Variants in SOCS5 observed in about 807,000 individuals in gnomAD.
The protein encoded by SOCS5 is suppressor of cytokine signaling 5.
A neutral mutation model predicts 42.8 loss-of-function variants in SOCS5; 32 were observed. That is an observed-to-expected ratio of 0.75 (90% CI 0.56 to 1.01). The LOEUF is 1.01. SOCS5 is among the 50% of genes least tolerant of loss of function. The pLI, the probability that SOCS5 is intolerant of heterozygous loss-of-function variation, is 0.00. For missense variants in SOCS5, 627 were observed against 653.0 expected (o/e 0.96, Z 0.43); for synonymous variants, 283 against 229.6 (o/e 1.23, Z -2.10).
At chr2:46,740,359 A>G (rs1471102367) in intron 1 of SOCS5, among the ~76,000 whole-genome samples, 3 of 152,216 alleles carry the variant, frequency 2.0e-5, no homozygotes, top group African/African-American at 4.8e-5. Flanking sequence ...ACAATTGGCT[A>G]TATTTGGTTA....
intron 1 of SOCS5, among the ~76,000 whole-genome samples, chr2:46,750,353 T>TA (rs1158650717): frequency 2.0e-5 from 3 of 152,142 alleles, no homozygotes; most frequent in Non-Finnish European, 4.4e-5. Context: ...ATTAAATACT[T>TA]ACTTTTTTTT....
chr2:46,724,098 C>G (rs1049670178), intron 1 of SOCS5, among the ~76,000 whole-genome samples: 1 of 151,852 alleles, frequency 6.6e-6, no homozygotes, highest in Non-Finnish European at 1.5e-5. Flanking sequence ...TGTGTGTTGA[C>G]CTGTATCCTG....
chr2:46,713,094 G>A (rs953774099), intron 1 of SOCS5, among the ~76,000 whole-genome samples: 2 of 152,228 alleles, frequency 1.3e-5, no homozygotes, highest in Non-Finnish European at 2.9e-5. Flanking sequence ...GGTGGCTCAT[G>A]CCTGTAATCC....
At chr2:46,708,399 G>C (rs181172668) in intron 1 of SOCS5, among the ~76,000 whole-genome samples, 16 of 152,292 alleles carry the variant, frequency 1.1e-4, no homozygotes, top group Admixed American at 1.0e-3. Flanking sequence ...TGCTTTTTAG[G>C]TAAGTAATGA....
In SOCS5 at chr2:46,758,923, G is replaced by C; in HGVS notation, c.393G>C (p.Lys131Asn). 1.2e-6 allele frequency: 2 copies of C among 1,614,004 alleles called. No homozygotes were observed. The highest frequency in any genetic ancestry group is 1.7e-6 in the Non-Finnish European group (2 of 1,179,884). The change falls in exon 2 of 2, where the codon AAG becomes AAC. Residue 131 changes from lysine (K) to asparagine (N), a missense_variant. Lys to Asn is a moderately conservative substitution (Grantham distance 94, BLOSUM62 0). Coordinates refer to ENST00000394861, the MANE Select transcript of SOCS5 (RefSeq NM_144949.3). ...GGKKKHSCSTKTQSSLDADKK... is the reference protein window; with the variant it reads ...GGKKKHSCSTNTQSSLDADKK... ...AGAAAAAACATTCCTGTTCTACAAAGACCCAGAGTTCATTGGATGCTGATA... is the reference window on the plus strand; with the variant it reads ...AGAAAAAACATTCCTGTTCTACAAACACCCAGAGTTCATTGGATGCTGATA...
At chr2:46,740,663 T>C (rs1329833579) in intron 1 of SOCS5, among the ~76,000 whole-genome samples, 1 of 152,044 alleles carries the variant, frequency 6.6e-6, no homozygotes, top group Non-Finnish European at 1.5e-5. Flanking sequence ...GTAAATCACA[T>C]ATCTAAAGCT....
chr2:46,745,045 G>A (rs6716072), intron 1 of SOCS5, among the ~76,000 whole-genome samples: 7,253 of 151,714 alleles, frequency 0.048, 637 homozygotes, highest in African/African-American at 0.17. Context: ...CAATAACAAA[G>A]GATTTTTACC....
intron 1 of SOCS5, among the ~76,000 whole-genome samples, chr2:46,718,434 TACAG>T (rs1409099652): frequency 6.6e-6 from 1 of 152,156 alleles, no homozygotes; most frequent in Non-Finnish European, 1.5e-5. Context: ...TTTCAAGTGA[TACAG>T]AGAGTTACAG....
chr2:46,715,073 A>C (rs1458461925), intron 1 of SOCS5, among the ~76,000 whole-genome samples: 1 of 152,088 alleles, frequency 6.6e-6, no homozygotes, highest in Non-Finnish European at 1.5e-5. Context: ...TTTGTCAGGC[A>C]GTTACCTTTT....
chr2:46,729,480 G>A (rs149106414), intron 1 of SOCS5, among the ~76,000 whole-genome samples: 40 of 152,266 alleles, frequency 2.6e-4, no homozygotes, highest in East Asian at 9.6e-4. Context: ...CCTGTTGCTC[G>A]TAGGCTACAA....
intron 1 of SOCS5, among the ~76,000 whole-genome samples, chr2:46,739,661 A>G (rs1302439714): frequency 1.3e-5 from 2 of 152,106 alleles, no homozygotes; most frequent in Admixed American, 6.6e-5. Flanking sequence ...CGCATCCCCC[A>G]GAAGTAACCA....
In SOCS5 at chr2:46,761,951, C is replaced by T. The variant is rs918495654; in HGVS notation, c.*1810C>T. 2 of 166,958 alleles carry T rather than the reference C, an allele frequency of 1.2e-5. No individual in the cohort carries two copies. Among genetic ancestry groups the T allele is most frequent in the African/African-American group, 4.8e-5 (2 of 41,438 alleles). The allele number at this position is 166,958 out of a possible 1,614,324, so 10.3% of individuals were successfully genotyped here. On this transcript the variant is annotated 3_prime_UTR_variant, in exon 2 of 2. Coordinates refer to ENST00000394861, the MANE Select transcript of SOCS5 (RefSeq NM_144949.3). ...ATGACATATTATAGTAAATGAGTAT[C>T]TGTAACCTCCCACTGCATCAGAAGC...
intron 1 of SOCS5, among the ~76,000 whole-genome samples, chr2:46,731,258 C>G (rs1337088119): frequency 6.6e-6 from 1 of 152,096 alleles, no homozygotes; most frequent in Admixed American, 6.6e-5. Flanking sequence ...GGATTCGTGC[C>G]TTTGTACGGA....
intron 1 of SOCS5, among the ~76,000 whole-genome samples, chr2:46,715,918 T>C (rs796724128): frequency 2.0e-5 from 3 of 152,296 alleles, no homozygotes; most frequent in Admixed American, 6.5e-5. Context: ...ATCCCACATA[T>C]GTTCAACCAC....
intron 1 of SOCS5, among the ~76,000 whole-genome samples, chr2:46,738,068 T>G (rs894517576): frequency 2.6e-5 from 4 of 152,138 alleles, no homozygotes; most frequent in African/African-American, 9.7e-5. Context: ...TTGAACTTGA[T>G]GTAGATGTTA....
At chr2:46,749,325 C>T (rs570075861) in intron 1 of SOCS5, among the ~76,000 whole-genome samples, 16 of 152,152 alleles carry the variant, frequency 1.1e-4, no homozygotes, top group Admixed American at 8.5e-4. Flanking sequence ...TGATTTTTGT[C>T]GCCCTATTAT....
chr2:46,730,745 A>G (rs952141162), intron 1 of SOCS5, among the ~76,000 whole-genome samples: 3 of 152,270 alleles, frequency 2.0e-5, no homozygotes, highest in Non-Finnish European at 4.4e-5. Context: ...GAAAAAATCT[A>G]TCAATCACAT....
At chr2:46,743,113 T>C (rs115413975) in intron 1 of SOCS5, among the ~76,000 whole-genome samples, 1 of 152,296 alleles carries the variant, frequency 6.6e-6, no homozygotes, top group African/African-American at 2.4e-5. Context: ...TAACTTTTTA[T>C]GAGTTTTTCA....
Position 46,732,623 on chromosome 2 carries a change from C to G in SOCS5, c.-12-25896C>G, listed in dbSNP as rs189115715. 1.3e-4 allele frequency among the ~76,000 whole-genome samples: 20 copies of G among 152,308 alleles called. No individual in the cohort carries two copies. In the East Asian group the frequency reaches 3.7e-3, roughly 28 times the overall value. On this transcript the variant is annotated intron_variant, in intron 1 of 1. Transcript: ENST00000394861. ...GTAGAGACCACTGAAGAATTTTGAA[C>G]AGAAACTATTTCCCAGTGCTGATTT...
Sources: allele counts gnomAD v4.1 joint callset (sites outside exome capture counted in the v4.1 genomes callset), GRCh38; gene constraint gnomAD v4.1.1; transcripts MANE v1.5; gene names NCBI Gene and HGNC (gene_info 2026-07-23, HGNC 2026-07-21).